Variants in PSMC4 observed in about 807,000 individuals in gnomAD.
PSMC4 encodes the protein 26S proteasome regulatory subunit 6B.
PSMC4 carries 13 observed loss-of-function variants against 48.4 expected under a neutral mutation model. The observed-to-expected ratio is 0.27, with a 90% CI of 0.18 to 0.43. PSMC4 has a LOEUF of 0.43. Among genes scored for constraint, PSMC4 ranks in the 20% least tolerant of loss-of-function variants. PSMC4 has a pLI of 1.00. For synonymous variants in PSMC4, 202 were observed against 212.3 expected (o/e 0.95, Z 0.42); for missense variants, 262 against 555.9 (o/e 0.47, Z 5.32).
chr19:39,974,576 G>A lies in PSMC4; in HGVS notation c.522G>A (p.Lys174=), dbSNP rs1475057262. Residue 174 remains lysine (K), a synonymous_variant, in exon 5 of 11, where the codon AAG becomes AAA. Coordinates refer to ENST00000157812, the MANE Select transcript of PSMC4 (RefSeq NM_006503.4). This position sits in a 1 kb window ranked among gnomAD's most constrained non-coding sequence, Gnocchi z 5.5. ...YADIGGMDIQ[K]QEVREAVELP... ...ACATCGGAGGCATGGACATCCAGAA[G>A]CAGGAGGTGCGGGAGGCCGTGGAGC... The A allele has an allele frequency of 5.0e-6, 8 of 1,614,132 alleles. No homozygotes were observed. The African/African-American group carries it at 6.7e-5, about 13-fold the overall frequency.
At chr19:39,979,575 A>AGTG in intron 6 of PSMC4, 2 of 350,540 alleles carry the variant, frequency 5.7e-6, no homozygotes, top group Admixed American at 4.8e-5. Context: ...AAAAAAAAAA[A>AGTG]AGTGACACAT....
chr19:39,976,796 A>G lies in PSMC4; in HGVS notation c.673+1968A>G, dbSNP rs71356891. On this transcript the variant is annotated intron_variant, in intron 6 of 10. Transcript: ENST00000157812. Reference sequence around the variant, plus strand: ...AGTGCTGTGATTACAGGCGTGAGCCACCGCACCCAGCCCGTAAACCTTCTT... The same window carrying G: ...AGTGCTGTGATTACAGGCGTGAGCCGCCGCACCCAGCCCGTAAACCTTCTT... 8.5e-3 allele frequency among the ~76,000 whole-genome samples: 1,275 copies of G among 150,098 alleles called. 17 individuals are homozygous for G. The highest frequency in any genetic ancestry group is 0.03 in the African/African-American group (1,210 of 40,756).
In PSMC4 at chr19:39,974,989, C is replaced by T. The variant is rs1168700716; in HGVS notation, c.673+161C>T. Among the ~76,000 whole-genome samples the T allele has an allele frequency of 6.6e-6, 1 of 152,140 alleles. No individual in the cohort carries two copies. Among genetic ancestry groups the T allele is most frequent in the Non-Finnish European group, 1.5e-5 (1 of 68,046 alleles). ...GCTGACTTCACCTCCTTGGGCCTCT[C>T]CTAGTAGTTGAAGACTCATTTCACC... On this transcript the variant is annotated intron_variant, in intron 6 of 10. Transcript: ENST00000157812. This position sits in a 1 kb window ranked among gnomAD's most constrained non-coding sequence, Gnocchi z 5.5.
At position 39,980,339 on chromosome 19, in the gene PSMC4, A is replaced by C. The variant is rs778230632; in HGVS notation, c.972A>C (p.Pro324=). 4.3e-6 allele frequency: 7 copies of C among 1,613,998 alleles called. No individual in the cohort carries two copies. The East Asian group carries it at 1.6e-4, about 36-fold the overall frequency. ...ADTLDPALLR[P]GRLDRKIEFP... is the part of the protein sequence containing the mutation. Reference sequence around the variant, plus strand: ...CCCTGGATCCGGCCCTGCTACGGCCAGGACGGCTGGACCGTAAAATTGAAT... The same window carrying C: ...CCCTGGATCCGGCCCTGCTACGGCCCGGACGGCTGGACCGTAAAATTGAAT... The change falls in exon 9 of 11, where the codon CCA becomes CCC. Residue 324 remains proline (P), a synonymous_variant. Transcript: ENST00000157812. The surrounding 1 kb of genome is among the most constrained non-coding windows in gnomAD (Gnocchi z 4.8).
At chr19:39,976,452 C>G (rs1178285033) in intron 6 of PSMC4, among the ~76,000 whole-genome samples, 1 of 147,996 alleles carries the variant, frequency 6.8e-6, no homozygotes, top group Non-Finnish European at 1.5e-5. Context: ...AAACAGAACA[C>G]CTCCTTATGG....
intron 6 of PSMC4, among the ~76,000 whole-genome samples, chr19:39,976,981 C>T (rs1344308519): frequency 6.6e-5 from 10 of 151,744 alleles, no homozygotes; most frequent in Non-Finnish European, 1.3e-4. Flanking sequence ...TCCCGAGTGG[C>T]TGGAATTACA....
Position 39,980,128 on chromosome 19 carries a change from T to A in PSMC4, c.900T>A (p.Asp300Glu). 1 of 1,613,988 alleles carries A rather than the reference T, an allele frequency of 6.2e-7. No homozygotes were observed. Among genetic ancestry groups the A allele is most frequent in the South Asian group, 1.1e-5 (1 of 91,064 alleles). The stretch of plus-strand genomic sequence containing the variant: ...TGCTGAATCAGATGGATGGATTTGA[T>A]CAGAATGTCAATGTCAAGGTTTGGG... ...LELLNQMDGFDQNVNVKVIMA... is the reference protein window; with the variant it reads ...LELLNQMDGFEQNVNVKVIMA... The change falls in exon 8 of 11, where the codon GAT (aspartate) becomes GAA (glutamate). Residue 300 changes from aspartate to glutamate, a missense_variant. Around this residue, in one of 4 missense-constraint regions of PSMC4, gnomAD observed 84 missense variants for 157.8 expected, o/e 0.53. Coordinates refer to ENST00000157812, the MANE Select transcript of PSMC4 (RefSeq NM_006503.4). The surrounding 1 kb of genome is among the most constrained non-coding windows in gnomAD (Gnocchi z 4.8).
intron 1 of PSMC4, among the ~76,000 whole-genome samples, chr19:39,971,930 CAT>C (rs1470796405): frequency 6.6e-6 from 1 of 152,014 alleles, no homozygotes; most frequent in Admixed American, 6.6e-5. Context: ...TATATGATAA[CAT>C]AAGATCTGTT....
chr19:39,975,975 G>A (rs1054329068), intron 6 of PSMC4, among the ~76,000 whole-genome samples: 5 of 152,088 alleles, frequency 3.3e-5, no homozygotes, highest in Admixed American at 6.5e-5. Flanking sequence ...TGGGCCAGGC[G>A]CGGTGGCTCA....
In PSMC4 at chr19:39,981,182, C is replaced by T. The variant is rs1320623448; in HGVS notation, c.1144-10C>T. On this transcript the variant is annotated splice_polypyrimidine_tract_variant and intron_variant, in intron 10 of 10. Transcript: ENST00000157812. Reference sequence around the variant, plus strand: ...ACAGGAAGTAGATTTTAACTCTCATCCTTCAACAGAGTGGAATGTTGGCTG... The same window carrying T: ...ACAGGAAGTAGATTTTAACTCTCATTCTTCAACAGAGTGGAATGTTGGCTG... 17 of 1,607,910 alleles carry T rather than the reference C, an allele frequency of 1.1e-5. No individual in the cohort carries two copies. Among genetic ancestry groups the T allele is most frequent in the Non-Finnish European group, 1.4e-5 (17 of 1,174,610 alleles).
At chr19:39,972,899 C>T (rs1971127399) in intron 3 of PSMC4, among the ~76,000 whole-genome samples, 1 of 151,910 alleles carries the variant, frequency 6.6e-6, no homozygotes, top group African/African-American at 2.4e-5. Flanking sequence ...GCATGGACCA[C>T]CAAGTCTGGC....
In PSMC4 at chr19:39,972,791, G is replaced by A. The variant is rs537464200; in HGVS notation, c.322+236G>A. Among the ~76,000 whole-genome samples, 235 of 151,856 alleles carry A rather than the reference G, an allele frequency of 1.5e-3. 1 individual carries two copies. Among genetic ancestry groups the A allele is most frequent in the African/African-American group, 5.5e-3 (227 of 41,356 alleles). On this transcript the variant is annotated intron_variant, in intron 3 of 10. Transcript: ENST00000157812. The stretch of plus-strand genomic sequence containing the variant: ...GAGACAGAGTTTTGCTCTTGTCCAG[G>A]CTGGAGTGCAATGGCATGATCTCGG...
intron 3 of PSMC4, among the ~76,000 whole-genome samples, chr19:39,973,984 C>A (rs973145437): frequency 3.9e-5 from 6 of 152,128 alleles, no homozygotes; most frequent in African/African-American, 1.4e-4. Flanking sequence ...GTCCAGGAGG[C>A]TGCTGGTCAG....
At chr19:39,976,401 CAAAAAAAA>C (rs757355957) in intron 6 of PSMC4, among the ~76,000 whole-genome samples, 1 of 45,186 alleles carries the variant, frequency 2.2e-5, no homozygotes, top group Non-Finnish European at 5.0e-5. Context: ...GACTCCGTCT[CAAAAAAAA>C]AAAAAAAAAA....
In PSMC4 at chr19:39,981,402, C is replaced by T. The variant is rs1971285441; in HGVS notation, c.*97C>T. On this transcript the variant is annotated 3_prime_UTR_variant, in exon 11 of 11. Transcript: ENST00000157812. ...AACCTCATTCCCTTTTTTCTTTACC[C>T]AGGATTGGTTTCTTCAATAAATAGA... 1.2e-6 allele frequency: 1 copy of T among 843,078 alleles called. No individual in the cohort carries two copies. Among genetic ancestry groups the T allele is most frequent in the Non-Finnish European group, 2.0e-6 (1 of 507,086 alleles). The allele number at this position is 843,078 out of a possible 1,614,324, so 52.2% of individuals were successfully genotyped here.
Position 39,980,023 on chromosome 19 carries a change from G to A in PSMC4, c.841+39G>A, listed in dbSNP as rs1253798618. 23 of 1,613,920 alleles carry A rather than the reference G, an allele frequency of 1.4e-5. No individual in the cohort carries two copies. Among genetic ancestry groups the A allele is most frequent in the Non-Finnish European group, 1.9e-5 (23 of 1,179,966 alleles). On this transcript the variant is annotated intron_variant, in intron 7 of 10. Transcript: ENST00000157812. The surrounding 1 kb of genome is among the most constrained non-coding windows in gnomAD (Gnocchi z 4.8). ...AAACAAGGCCCGGGGTCTTGGACAG[G>A]CTTGTCGCATGGGATGCCTGGGACT...
At position 39,974,349 on chromosome 19, in the gene PSMC4, C is replaced by T; in HGVS notation, c.378C>T (p.Pro126=). 1 of 1,614,168 alleles carries T rather than the reference C, an allele frequency of 6.2e-7. No homozygotes were observed. The highest frequency in any genetic ancestry group is 8.5e-7 in the Non-Finnish European group (1 of 1,180,020). Residue 126 remains proline, a synonymous_variant, in exon 4 of 11, where the codon CCC becomes CCT. Transcript: ENST00000157812. The surrounding 1 kb of genome is among the most constrained non-coding windows in gnomAD (Gnocchi z 5.5). ...LSTIDRELLK[P]NASVALHKHS... The stretch of plus-strand genomic sequence containing the variant: ...CCATCGATCGGGAGCTGCTCAAGCC[C>T]AACGCCTCAGTGGCCCTCCACAAGC...
At chr19:39,979,635 G>A (rs1568376865) in intron 6 of PSMC4, 182 bp from the exon 7 acceptor site, 1 of 450,906 alleles carries the variant, frequency 2.2e-6, no homozygotes, top group Non-Finnish European at 3.7e-6. Flanking sequence ...TGGGGTACAA[G>A]TAGATGGCTA....
chr19:39,973,416 T>C (rs1030660106), intron 3 of PSMC4, among the ~76,000 whole-genome samples: 1 of 151,930 alleles, frequency 6.6e-6, no homozygotes, highest in African/African-American at 2.4e-5. Flanking sequence ...AAACCCCGTC[T>C]CTACTGAAAA....
Sources: gnomAD v4.1 joint callset for allele counts (sites outside exome capture counted in the v4.1 genomes callset) on GRCh38, gnomAD v4.1.1 for gene constraint, gnomAD v4.1.1 regional missense constraint, Gnocchi (gnomAD v3.1) non-coding constraint, MANE v1.5 for transcripts, NCBI Gene and HGNC (gene_info 2026-07-23, HGNC 2026-07-21) for gene names.